Variants in NRG1 observed in about 807,000 individuals in gnomAD.
The protein encoded by NRG1 is pro-neuregulin-1, membrane-bound isoform.
Under a neutral mutation model 63.8 loss-of-function variants are expected in NRG1, and 18 were observed. The ratio of observed to expected loss-of-function variants is 0.28; its 90% CI spans 0.19 to 0.42. NRG1 has a LOEUF of 0.42. NRG1 is among the 10% of genes least tolerant of loss of function. The pLI is 1.00. For missense variants in NRG1, 762 were observed against 814.7 expected (o/e 0.94, Z 0.79); for synonymous variants, 302 against 301.3 (o/e 1.00, Z -0.02).
At chr8:31,941,666 C>T (rs1443120928) in intron 1 of NRG1, among the ~76,000 whole-genome samples, 2 of 152,054 alleles carry the variant, frequency 1.3e-5, no homozygotes, top group African/African-American at 2.4e-5. Flanking sequence ...CAAAAAGCTC[C>T]TAGAACTGGT....
At chr8:32,221,588 T>C (rs1364302314) in intron 1 of NRG1, among the ~76,000 whole-genome samples, 1 of 152,238 alleles carries the variant, frequency 6.6e-6, no homozygotes, top group African/African-American at 2.4e-5. Flanking sequence ...ATATTATCTC[T>C]AGGCAGTAAA....
chr8:32,022,859 G>A (rs983761504), intron 1 of NRG1, among the ~76,000 whole-genome samples: 16 of 152,126 alleles, frequency 1.1e-4, no homozygotes, highest in African/African-American at 3.9e-4. Context: ...CACAGAGTCT[G>A]TGCTAAATGC....
rs768991016 is a variant in NRG1 at position 31,640,686 on chromosome 8, G to A, written c.37+1255G>A. The A allele has an allele frequency of 5.6e-6, 9 of 1,606,334 alleles. No homozygotes were observed. The highest frequency in any genetic ancestry group is 4.4e-5 in the South Asian group (4 of 90,130). ...CTTTCCCCCCTCTGGAGACGGGCCG[G>A]AACCTCAAGAAGGAGGTCAGCCGGG... On this transcript the variant is annotated intron_variant, in intron 1 of 10. Coordinates refer to the NRG1 transcript ENST00000519301. The surrounding 1 kb of genome is among the most constrained non-coding windows in gnomAD (Gnocchi z 6.3).
rs192564303 is a variant in NRG1, at chr8:32,570,469, A to G, written c.100+21643A>G. Among the ~76,000 whole-genome samples, 8 of 152,288 alleles carry G rather than the reference A, an allele frequency of 5.3e-5. No individual in the cohort carries two copies. The East Asian group carries it at 7.7e-4, about 15-fold the overall frequency. ...TTAAATAAAACTCTGACTTATATATAAAAACTTCAGAAAAGAAAGGGCCTG... is the reference window on the plus strand; with the variant it reads ...TTAAATAAAACTCTGACTTATATATGAAAACTTCAGAAAAGAAAGGGCCTG... On this transcript the variant is annotated intron_variant, in intron 1 of 11. Transcript: ENST00000356819.
chr8:31,874,813 T>C (rs1585420552), intron 1 of NRG1, among the ~76,000 whole-genome samples: 1 of 151,674 alleles, frequency 6.6e-6, no homozygotes, highest in African/African-American at 2.4e-5. Flanking sequence ...TCTTTTAAAG[T>C]GTCTCCCTCA....
chr8:32,388,281 T>C (rs1811278792), intron 1 of NRG1, among the ~76,000 whole-genome samples: 1 of 152,190 alleles, frequency 6.6e-6, no homozygotes, highest in Admixed American at 6.5e-5. Context: ...ACATAAGTAA[T>C]TAGATTATTG....
chr8:32,078,085 T>A (rs1826878132), intron 1 of NRG1, among the ~76,000 whole-genome samples: 1 of 152,180 alleles, frequency 6.6e-6, no homozygotes, highest in Admixed American at 6.6e-5. Context: ...CAACTTCACA[T>A]CCTCCTAAGC....
intron 1 of NRG1, among the ~76,000 whole-genome samples, chr8:31,985,393 A>C (rs1205181954): frequency 6.6e-6 from 1 of 152,124 alleles, no homozygotes; most frequent in Non-Finnish European, 1.5e-5. Flanking sequence ...AGAAGCAATA[A>C]GTTCTTTCAG....
At chr8:31,876,345 T>C (rs1829920549) in intron 1 of NRG1, among the ~76,000 whole-genome samples, 1 of 152,174 alleles carries the variant, frequency 6.6e-6, no homozygotes, top group African/African-American at 2.4e-5. Context: ...TTGCAAGCAT[T>C]AAAGGAGGTC....
chr8:31,640,035 C>A lies in NRG1; in HGVS notation c.37+604C>A, dbSNP rs1456661144. Reference sequence around the variant, plus strand: ...GCTCCGGGCGTCCCGGCCCCCGGGCCCAGCGCCCCGGCTCCGCCGCCCGCT... The same window carrying A: ...GCTCCGGGCGTCCCGGCCCCCGGGCACAGCGCCCCGGCTCCGCCGCCCGCT... On this transcript the variant is annotated intron_variant, in intron 1 of 10. Coordinates refer to the NRG1 transcript ENST00000519301. This position sits in a 1 kb window ranked among gnomAD's most constrained non-coding sequence, Gnocchi z 6.3. 9.6e-6 allele frequency: 11 copies of A among 1,142,474 alleles called. No homozygotes were observed. The highest frequency in any genetic ancestry group is 1.2e-5 in the Non-Finnish European group (11 of 932,680). 70.8% of individuals were successfully genotyped at this position (1,142,474 alleles called of 1,614,324 possible). A position where few individuals can be genotyped will look rare whatever the true frequency, so the allele number is the denominator to read the frequency against.
At chr8:31,942,536 A>G (rs1801903984) in intron 1 of NRG1, among the ~76,000 whole-genome samples, 1 of 152,120 alleles carries the variant, frequency 6.6e-6, no homozygotes, top group Non-Finnish European at 1.5e-5. Flanking sequence ...AGAGAAATAG[A>G]TGGGAACTAA....
At chr8:32,455,314 G>A (rs1413337442) in intron 1 of NRG1, among the ~76,000 whole-genome samples, 1 of 152,074 alleles carries the variant, frequency 6.6e-6, no homozygotes. Context: ...GCCAAATAGT[G>A]CACATTCAAT....
chr8:31,924,741 G>T (rs115848164), intron 1 of NRG1, among the ~76,000 whole-genome samples: 5,849 of 150,832 alleles, frequency 0.039, 375 homozygotes, highest in African/African-American at 0.13. Context: ...ATGCATGTTA[G>T]GCCGTAAGTT....
intron 1 of NRG1, among the ~76,000 whole-genome samples, chr8:31,832,576 T>C (rs1825274261): frequency 6.6e-6 from 1 of 152,130 alleles, no homozygotes; most frequent in Non-Finnish European, 1.5e-5. Context: ...TTTTTTTTCA[T>C]AATGGCAGAG....
intron 1 of NRG1, among the ~76,000 whole-genome samples, chr8:32,076,444 A>T (rs1042310444): frequency 6.7e-6 from 1 of 149,410 alleles, no homozygotes; most frequent in Non-Finnish European, 1.5e-5. Context: ...GTGTTTCAGC[A>T]TGTTATTCTG....
chr8:31,895,495 T>A (rs1275364011), intron 1 of NRG1, among the ~76,000 whole-genome samples: 1 of 152,268 alleles, frequency 6.6e-6, no homozygotes, highest in Non-Finnish European at 1.5e-5. Flanking sequence ...CTTCTAATCC[T>A]GGAGTCTGAG....
At chr8:32,192,432 C>T (rs1049053613) in intron 1 of NRG1, among the ~76,000 whole-genome samples, 23 of 152,174 alleles carry the variant, frequency 1.5e-4, no homozygotes, top group South Asian at 1.2e-3. Flanking sequence ...AAATCATGTC[C>T]TTTGCAGCAA....
At chr8:32,191,158 C>G (rs1463121538) in intron 1 of NRG1, among the ~76,000 whole-genome samples, 2 of 151,708 alleles carry the variant, frequency 1.3e-5, no homozygotes, top group Non-Finnish European at 2.9e-5. Context: ...GATCTCAGCT[C>G]ACTGCAACCT....
chr8:32,347,485 T>C (rs1432559359), intron 1 of NRG1, among the ~76,000 whole-genome samples: 1 of 152,198 alleles, frequency 6.6e-6, no homozygotes, highest in East Asian at 1.9e-4. Flanking sequence ...CCTCACACAG[T>C]AAATTGATTT....
Sources: gnomAD v4.1 joint callset for allele counts (sites outside exome capture counted in the v4.1 genomes callset) on GRCh38, gnomAD v4.1.1 for gene constraint, Gnocchi (gnomAD v3.1) non-coding constraint, MANE v1.5 for transcripts, NCBI Gene and HGNC (gene_info 2026-07-23, HGNC 2026-07-21) for gene names.